FRYL: variants seen among roughly 807,000 people sequenced by gnomAD.
FRYL encodes protein furry homolog-like.
In FRYL, 150 loss-of-function variants were observed where a neutral mutation model predicts 351.2. The ratio of observed to expected loss-of-function variants is 0.43; its 90% CI spans 0.37 to 0.49. The LOEUF is 0.49. FRYL is among the 20% of genes least tolerant of loss of function. FRYL has a pLI of 0.00. For synonymous variants in FRYL, 1,153 were observed against 1,257.1 expected, an observed-to-expected ratio of 0.92 and a Z score of 1.75; for missense variants, 3,036 against 3,619.3, an observed-to-expected ratio of 0.84 and a Z score of 4.13.
rs1259596984 is a variant in FRYL, at chr4:48,609,080, A to G, written c.492-13T>C. ...GGTTCCTGAATATCTAAAATAACAA[A>G]AGAACAAACATAACATTTCATTAAA... is the stretch of plus-strand genomic sequence containing the variant. On this transcript the variant is annotated splice_polypyrimidine_tract_variant and intron_variant, in intron 8 of 63. Transcript: ENST00000358350. 1.3e-6 allele frequency: 2 copies of G among 1,493,592 alleles called. No homozygotes were observed. Among genetic ancestry groups the G allele is most frequent in the Admixed American group, 3.4e-5 (2 of 58,060 alleles). The allele number at this position is 1,493,592 out of a possible 1,614,324, so 92.5% of individuals were successfully genotyped here. A position where few individuals can be genotyped will look rare whatever the true frequency, so the allele number is the denominator to read the frequency against.
At chr4:48,759,753 G>A (rs1328997567) in intron 1 of FRYL, among the ~76,000 whole-genome samples, 1 of 152,146 alleles carries the variant, frequency 6.6e-6, no homozygotes, top group Non-Finnish European at 1.5e-5. Flanking sequence ...GTCTGGTCTT[G>A]CTGGTTCTGA....
intron 1 of FRYL, among the ~76,000 whole-genome samples, chr4:48,778,697 T>G (rs1183820310): frequency 3.3e-5 from 5 of 152,352 alleles, no homozygotes; most frequent in African/African-American, 1.2e-4. Context: ...TATACTAGTT[T>G]TTATCAATAG....
At chr4:48,630,601 T>C (rs543184867) in intron 4 of FRYL, among the ~76,000 whole-genome samples, 1 of 152,304 alleles carries the variant, frequency 6.6e-6, no homozygotes, top group South Asian at 2.1e-4. Flanking sequence ...AGGTATTGGA[T>C]TGCATAGCCT....
At chr4:48,732,229 C>G (rs1269842664) in intron 1 of FRYL, among the ~76,000 whole-genome samples, 1 of 152,124 alleles carries the variant, frequency 6.6e-6, no homozygotes, top group Non-Finnish European at 1.5e-5. Context: ...CAATGAGATA[C>G]TATCTCACGC....
At chr4:48,575,264 G>T (rs1405932315) in intron 24 of FRYL, 23 bp from the exon 25 acceptor site, 7 of 1,610,270 alleles carry the variant, frequency 4.3e-6, no homozygotes, top group Non-Finnish European at 5.9e-6. Context: ...TATCGTATTT[G>T]TAACAGCCAC....
At chr4:48,570,223 G>C (rs1737994733) in intron 27 of FRYL, among the ~76,000 whole-genome samples, 1 of 152,122 alleles carries the variant, frequency 6.6e-6, no homozygotes. Flanking sequence ...TAAGGAAATA[G>C]TTATTTTTCA....
chr4:48,750,862 C>T (rs1469467865), intron 1 of FRYL, among the ~76,000 whole-genome samples: 1 of 152,154 alleles, frequency 6.6e-6, no homozygotes, highest in East Asian at 1.9e-4. Context: ...CATGAGCTTA[C>T]ATTACTATAT....
intron 1 of FRYL, among the ~76,000 whole-genome samples, chr4:48,712,022 G>T (rs1768118073): frequency 6.6e-6 from 1 of 152,114 alleles, no homozygotes; most frequent in Non-Finnish European, 1.5e-5. Context: ...CTGTTAGAAG[G>T]AAAACTAACA....
chr4:48,577,098 A>ATTT (rs1739795481), intron 23 of FRYL, among the ~76,000 whole-genome samples: 1 of 152,146 alleles, frequency 6.6e-6, no homozygotes, highest in Admixed American at 6.5e-5. Context: ...GCTAATAGCA[A>ATTT]TTTTTCCCTA....
At chr4:48,762,603 GA>G (rs1774526560) in intron 1 of FRYL, among the ~76,000 whole-genome samples, 1 of 152,172 alleles carries the variant, frequency 6.6e-6, no homozygotes, top group Non-Finnish European at 1.5e-5. Flanking sequence ...ACCTCTAAAG[GA>G]GCCATTTTTA....
intron 16 of FRYL, among the ~76,000 whole-genome samples, chr4:48,592,788 T>C (rs938872393): frequency 3.3e-5 from 5 of 152,100 alleles, no homozygotes; most frequent in Non-Finnish European, 7.4e-5. Flanking sequence ...ACTTCCAAAA[T>C]CTGGAAATAA....
At chr4:48,545,212 T>G (rs1163087187) in intron 42 of FRYL, among the ~76,000 whole-genome samples, 1 of 152,220 alleles carries the variant, frequency 6.6e-6, no homozygotes, top group Non-Finnish European at 1.5e-5. Flanking sequence ...ATAATCTGTA[T>G]TTAGATTGTA....
chr4:48,684,527 G>C (rs1315793280), intron 3 of FRYL, 146 bp downstream of exon 3: 1 of 152,146 alleles, frequency 6.6e-6, no homozygotes, highest in Non-Finnish European at 1.5e-5. Flanking sequence ...AAGCACTTTA[G>C]CTGATTACCA....
At chr4:48,633,780 C>T (rs1753711726) in intron 4 of FRYL, among the ~76,000 whole-genome samples, 1 of 152,262 alleles carries the variant, frequency 6.6e-6, no homozygotes, top group South Asian at 2.1e-4. Context: ...GAACTATGTA[C>T]AATAACTAAA....
chr4:48,533,889 C>T (rs1728280483), intron 49 of FRYL, among the ~76,000 whole-genome samples: 1 of 152,092 alleles, frequency 6.6e-6, no homozygotes. Flanking sequence ...AGTGTATGCC[C>T]ACTAAGTAGA....
intron 1 of FRYL, among the ~76,000 whole-genome samples, chr4:48,743,181 T>G (rs539419803): frequency 1.3e-5 from 2 of 152,034 alleles, no homozygotes; most frequent in South Asian, 4.2e-4. Context: ...TGCTAATCTA[T>G]TATGTAATCA....
At chr4:48,546,001 T>G in intron 42 of FRYL, 66 bp downstream of exon 42, 1 of 1,421,172 alleles carries the variant, frequency 7.0e-7, no homozygotes, top group African/African-American at 1.4e-5. Context: ...TGGCTCATAA[T>G]ACCTGATCAA....
At chr4:48,761,005 G>C (rs1305598716) in intron 1 of FRYL, among the ~76,000 whole-genome samples, 1 of 121,710 alleles carries the variant, frequency 8.2e-6, no homozygotes, top group African/African-American at 3.1e-5. Flanking sequence ...TTATTACTCT[G>C]TCTGTGTGTG....
At chr4:48,631,795 G>A (rs973689977) in intron 4 of FRYL, among the ~76,000 whole-genome samples, 1 of 151,432 alleles carries the variant, frequency 6.6e-6, no homozygotes, top group African/African-American at 2.4e-5. Context: ...GGCCAGAGGC[G>A]GTGGGTCTAT....
Sources: allele counts gnomAD v4.1 joint callset (sites outside exome capture counted in the v4.1 genomes callset), GRCh38; gene constraint gnomAD v4.1.1; transcripts MANE v1.5; gene names NCBI Gene and HGNC (gene_info 2026-07-23, HGNC 2026-07-21).